ERBB4: variants seen among roughly 807,000 people sequenced by gnomAD.
The protein encoded by ERBB4 is erb-b2 receptor tyrosine kinase 4.
A neutral mutation model predicts 158.0 loss-of-function variants in ERBB4; 42 were observed. That is an observed-to-expected ratio of 0.27 (90% confidence interval 0.21 to 0.34). The LOEUF (loss-of-function observed/expected upper bound fraction) is 0.34. Among genes scored for constraint, ERBB4 ranks in the 10% least tolerant of loss-of-function variants. The pLI, the probability that ERBB4 is intolerant of heterozygous loss-of-function variation, is 1.00. For synonymous variants in ERBB4, 583 were observed against 558.7 expected, an observed-to-expected ratio of 1.04 and a Z score of -0.61; for missense variants, 1,333 against 1,624.1, an observed-to-expected ratio of 0.82 and a Z score of 3.08.
chr2:211,938,163 C>T (rs2080381022), intron 3 of ERBB4, among the ~76,000 whole-genome samples: 3 of 152,106 alleles, frequency 2.0e-5, no homozygotes, highest in African/African-American at 7.2e-5. Context: ...TCAAACTTCT[C>T]CTCAAAAAAT....
chr2:212,216,002 G>C (rs1357891643), intron 1 of ERBB4, among the ~76,000 whole-genome samples: 1 of 151,220 alleles, frequency 6.6e-6, no homozygotes, highest in African/African-American at 2.4e-5. Context: ...TCTCTTTATT[G>C]ATTTTTGGTC....
chr2:211,841,040 T>C (rs77084263), intron 3 of ERBB4, among the ~76,000 whole-genome samples: 6,643 of 152,190 alleles, frequency 0.044, 247 homozygotes, highest in Non-Finnish European at 0.065. Flanking sequence ...GTGAAGAATA[T>C]AATTCAAATT....
intron 20 of ERBB4, among the ~76,000 whole-genome samples, chr2:211,542,869 G>A (rs527522223): frequency 4.6e-5 from 7 of 151,978 alleles, no homozygotes; most frequent in East Asian, 3.9e-4. Context: ...TAATTTACCC[G>A]CTTATCTGAC....
intron 1 of ERBB4, among the ~76,000 whole-genome samples, chr2:212,191,826 CTA>C (rs142451828): frequency 4.5e-4 from 61 of 135,282 alleles, no homozygotes; most frequent in East Asian, 8.8e-4. Flanking sequence ...TATATATGTT[CTA>C]TGTTATATAT....
At chr2:212,415,615 G>A (rs2091628644) in intron 1 of ERBB4, among the ~76,000 whole-genome samples, 1 of 151,878 alleles carries the variant, frequency 6.6e-6, no homozygotes, top group Non-Finnish European at 1.5e-5. Context: ...AGACTAAAAG[G>A]ACATATATGT....
intron 2 of ERBB4, among the ~76,000 whole-genome samples, chr2:212,102,090 T>TTTTATATATATATATATATATA (rs1553558604): frequency 1.9e-5 from 2 of 107,978 alleles, no homozygotes; most frequent in African/African-American, 2.9e-5. Flanking sequence ...AAAATTTATT[T>TTTTATATATATATATATATATA]TATATATATA....
intron 20 of ERBB4, among the ~76,000 whole-genome samples, chr2:211,432,946 C>T (rs1007170535): frequency 6.6e-6 from 1 of 151,980 alleles, no homozygotes; most frequent in Non-Finnish European, 1.5e-5. Context: ...ATTCTGAGGC[C>T]CTTATGTAGT....
intron 20 of ERBB4, among the ~76,000 whole-genome samples, chr2:211,539,277 T>C (rs536361464): frequency 2.0e-5 from 3 of 152,066 alleles, no homozygotes; most frequent in African/African-American, 7.2e-5. Flanking sequence ...GTATTATTAG[T>C]ACCAAGACAG....
intron 1 of ERBB4, among the ~76,000 whole-genome samples, chr2:212,357,739 C>T (rs956561344): frequency 2.0e-5 from 3 of 151,820 alleles, no homozygotes; most frequent in Admixed American, 6.6e-5. Context: ...CTGCCCTCCA[C>T]TGTGTGGGAG....
intron 1 of ERBB4, among the ~76,000 whole-genome samples, chr2:212,220,823 T>G (rs531022191): frequency 6.6e-6 from 1 of 151,492 alleles, no homozygotes. Context: ...TCTGTACTTA[T>G]CCTGTTGTTA....
chr2:211,562,501 A>G (rs2125723688), intron 19 of ERBB4, among the ~76,000 whole-genome samples: 1 of 152,298 alleles, frequency 6.6e-6, no homozygotes, highest in Middle Eastern at 3.4e-3. Flanking sequence ...GAGTAAGGTG[A>G]GCTGAACTTT....
intron 1 of ERBB4, among the ~76,000 whole-genome samples, chr2:212,191,312 C>A (rs572887389): frequency 2.0e-5 from 3 of 152,132 alleles, no homozygotes; most frequent in South Asian, 2.1e-4. Flanking sequence ...ACTTTGAGAA[C>A]CACCGATTTA....
intron 1 of ERBB4, among the ~76,000 whole-genome samples, chr2:212,196,990 C>G (rs990537517): frequency 2.0e-5 from 3 of 152,094 alleles, no homozygotes; most frequent in African/African-American, 7.2e-5. Flanking sequence ...TCCCATAGAA[C>G]TGATGTCTAC....
At chr2:211,419,321 T>C (rs1288865834) in intron 25 of ERBB4, among the ~76,000 whole-genome samples, 2 of 152,092 alleles carry the variant, frequency 1.3e-5, no homozygotes, top group Non-Finnish European at 2.9e-5. Context: ...GGTTAACATA[T>C]ATGTGTTGAA....
chr2:211,592,865 G>C (rs149582856), intron 19 of ERBB4, among the ~76,000 whole-genome samples: 2,249 of 152,140 alleles, frequency 0.015, 66 homozygotes, highest in African/African-American at 0.049. Flanking sequence ...CAAAAAATTA[G>C]CTGGGCGTGG....
intron 1 of ERBB4, among the ~76,000 whole-genome samples, chr2:212,358,090 T>C (rs189709991): frequency 6.6e-6 from 1 of 151,946 alleles, no homozygotes; most frequent in East Asian, 1.9e-4. Flanking sequence ...ACAGGGAAAA[T>C]ATTCAAACTA....
Position 211,794,587 on chromosome 2 carries a change from T to TA in ERBB4, c.422-6429dup, listed in dbSNP as rs1559525259. Among the ~76,000 whole-genome samples the TA allele has an allele frequency of 2.0e-5, 3 of 152,060 alleles. No individual in the cohort carries two copies. The South Asian group carries it at 6.2e-4, about 31-fold the overall frequency. ...TACTTGCTTAGTGATAGCATAATGT[T>TA]AGTGATATGCACTAGATATTTACAT... On this transcript the variant is annotated intron_variant, in intron 3 of 27. Transcript: ENST00000342788.
intron 3 of ERBB4, among the ~76,000 whole-genome samples, chr2:211,871,277 T>C (rs1364969426): frequency 6.6e-6 from 1 of 152,086 alleles, no homozygotes; most frequent in Admixed American, 6.6e-5. Flanking sequence ...GGCCAGAGGA[T>C]CACTTGAGCC....
intron 12 of ERBB4, among the ~76,000 whole-genome samples, chr2:211,689,455 C>G (rs1433494456): frequency 6.6e-6 from 1 of 152,096 alleles, no homozygotes; most frequent in Non-Finnish European, 1.5e-5. Flanking sequence ...ATCTCTGTCT[C>G]CCAAAGTGCT....
Sources: gnomAD v4.1 joint callset for allele counts (sites outside exome capture counted in the v4.1 genomes callset) on GRCh38, gnomAD v4.1.1 for gene constraint, MANE v1.5 for transcripts, NCBI Gene and HGNC (gene_info 2026-07-23, HGNC 2026-07-21) for gene names.